The following DNAI4 variants were observed in gnomAD, a reference collection of about 807,000 sequenced individuals.
The protein encoded by DNAI4 is WD repeat domain 78.
A neutral mutation model predicts 105.8 loss-of-function variants in DNAI4; 85 were observed. The ratio of observed to expected loss-of-function variants is 0.80; its 90% confidence interval spans 0.67 to 0.96. The LOEUF (loss-of-function observed/expected upper bound fraction) is 0.96. Among genes scored for constraint, DNAI4 ranks in the 40% least tolerant of loss-of-function variants. The probability of loss-of-function intolerance (pLI) is 0.00; values close to 1 mark genes in which losing one functional copy is unlikely to be tolerated. For missense variants in DNAI4, 1,014 were observed against 1,005.6 expected, an observed-to-expected ratio of 1.01 and a Z score of -0.11; for synonymous variants, 352 against 331.5, an observed-to-expected ratio of 1.06 and a Z score of -0.67.
chr1:66,848,336 G>A, intron 7 of DNAI4: 2 of 448,888 alleles, frequency 4.5e-6, no homozygotes, highest in African/African-American at 2.0e-5. Flanking sequence ...TTACTTTTTA[G>A]TACCCCATGT....
At position 66,822,361 on chromosome 1, in the gene DNAI4, C is replaced by G. The variant is rs145354917; in HGVS notation, c.2496G>C (p.Arg832=). The G allele has an allele frequency of 6.3e-7, 1 of 1,599,132 alleles. No individual in the cohort carries two copies. Among genetic ancestry groups the G allele is most frequent in the Non-Finnish European group, 8.5e-7 (1 of 1,174,174 alleles). The stretch of plus-strand genomic sequence containing the variant: ...AAATTTTTTTACTCTTGAGTCTTAC[C>G]CGGCCAGTTTCCAAAACAGTAGGCA... The part of the protein sequence containing the change: ...RNMPTVLETG[R]GDIMDTLLGS... Residue 832 remains arginine, a splice_region_variant and synonymous_variant, in exon 16 of 17, where the codon CGG becomes CGC. Transcript: ENST00000371026.
chr1:66,856,722 T>G (rs1330728709), intron 7 of DNAI4, among the ~76,000 whole-genome samples: 1 of 151,982 alleles, frequency 6.6e-6, no homozygotes, highest in Non-Finnish European at 1.5e-5. Flanking sequence ...AAACAAAACA[T>G]TTATAAATAA....
intron 6 of DNAI4, among the ~76,000 whole-genome samples, chr1:66,862,917 T>C (rs1432302896): frequency 1.3e-5 from 2 of 152,354 alleles, no homozygotes; most frequent in African/African-American, 2.4e-5. Flanking sequence ...CATAATATAT[T>C]GTCAACAGGT....
intron 15 of DNAI4, 112 bp from the exon 16 acceptor site, chr1:66,822,629 C>T (rs1162202302): frequency 2.0e-6 from 2 of 981,230 alleles, no homozygotes; most frequent in Non-Finnish European, 2.8e-6. Flanking sequence ...AACCATAAGC[C>T]TATTTAAGTG....
In DNAI4 at chr1:66,827,032, T is replaced by A. The variant is rs762293161; in HGVS notation, c.2127A>T (p.Lys709Asn). The change falls in exon 15 of 17, where the codon AAA (lysine) becomes AAT (asparagine). Residue 709 changes from lysine to asparagine, a missense_variant. Coordinates refer to ENST00000371026, the MANE Select transcript of DNAI4 (RefSeq NM_024763.5). ...CATGACAAAATGGATTCCATGTCAC[T>A]TTATACACTGGACCCTAGAAATAAA... ...TYRGHKGPVY[K>N]VTWNPFCHDV... 4 of 1,613,910 alleles carry A rather than the reference T, an allele frequency of 2.5e-6. No homozygotes were observed. In the South Asian group the frequency reaches 3.3e-5, roughly 13 times the overall value.
At chr1:66,911,267 G>A (rs908103929) in intron 1 of DNAI4, among the ~76,000 whole-genome samples, 6 of 152,152 alleles carry the variant, frequency 3.9e-5, no homozygotes, top group African/African-American at 1.2e-4. Context: ...AGATGCATAC[G>A]GCAAGGGAAG....
rs1647539436 is a variant in DNAI4 at position 66,890,735 on chromosome 1, G to T, written c.643+419C>A. The T allele has an allele frequency of 4.4e-6, 1 of 227,510 alleles. No homozygotes were observed. Among genetic ancestry groups the T allele is most frequent in the South Asian group, 5.6e-5 (1 of 17,738 alleles). 14.1% of individuals were successfully genotyped at this position (227,510 alleles called of 1,614,324 possible). Reference sequence around the variant, plus strand: ...GGGGGAGGAGGAGGAGGGAGAGGAAGAGGGGGAGAAGGAAGAGGAGGAGGA... The same window carrying T: ...GGGGGAGGAGGAGGAGGGAGAGGAATAGGGGGAGAAGGAAGAGGAGGAGGA... On this transcript the variant is annotated intron_variant, in intron 4 of 16. Transcript: ENST00000371026. This position sits in a 1 kb window ranked among gnomAD's most constrained non-coding sequence, Gnocchi z 4.1.
intron 1 of DNAI4, among the ~76,000 whole-genome samples, chr1:66,915,685 T>A (rs1034760658): frequency 2.6e-5 from 4 of 151,988 alleles, no homozygotes; most frequent in Non-Finnish European, 5.9e-5. Flanking sequence ...GTGAACAAGT[T>A]TTGTCTAATT....
intron 8 of DNAI4, among the ~76,000 whole-genome samples, chr1:66,842,636 G>T (rs1283915634): frequency 6.6e-6 from 1 of 151,992 alleles, no homozygotes; most frequent in African/African-American, 2.4e-5. Context: ...TCCTCAAGTG[G>T]CCTGCCCACC....
intron 2 of DNAI4, chr1:66,904,894 G>C: frequency 3.0e-6 from 1 of 329,060 alleles, no homozygotes; most frequent in Non-Finnish European, 5.4e-6. Flanking sequence ...GTATTTTCAA[G>C]ACTATATTGC....
At chr1:66,844,570 G>GAATA (rs1051912537) in intron 8 of DNAI4, among the ~76,000 whole-genome samples, 3 of 151,556 alleles carry the variant, frequency 2.0e-5, no homozygotes, top group African/African-American at 7.3e-5. Flanking sequence ...CTCAAAAAAT[G>GAATA]AATAAATAAA....
chr1:66,827,968 TAGA>T (rs2100378636), intron 13 of DNAI4, 58 bp from the exon 14 acceptor site: 3 of 1,080,604 alleles, frequency 2.8e-6, no homozygotes, highest in Non-Finnish European at 4.1e-6. Flanking sequence ...GTGTGATAAA[TAGA>T]AGATTAGATA....
At chr1:66,838,871 T>A (rs1378481399) in intron 9 of DNAI4, among the ~76,000 whole-genome samples, 2 of 152,186 alleles carry the variant, frequency 1.3e-5, no homozygotes, top group African/African-American at 2.4e-5. Context: ...TCATAGCACA[T>A]TTGAAATTAT....
intron 12 of DNAI4, 92 bp from the exon 13 acceptor site, chr1:66,833,798 T>C (rs1446970539): frequency 1.0e-5 from 15 of 1,487,074 alleles, no homozygotes; most frequent in Non-Finnish European, 1.4e-5. Flanking sequence ...AATAATAATA[T>C]TAGTTCTGCC....
intron 16 of DNAI4, among the ~76,000 whole-genome samples, chr1:66,814,970 TA>T (rs1238923432): frequency 2.6e-5 from 4 of 152,162 alleles, no homozygotes; most frequent in Non-Finnish European, 4.4e-5. Flanking sequence ...GGTGAGTTTT[TA>T]AGCAAGACAG....
At chr1:66,853,421 C>A (rs1417231555) in intron 7 of DNAI4, among the ~76,000 whole-genome samples, 1 of 152,146 alleles carries the variant, frequency 6.6e-6, no homozygotes, top group Non-Finnish European at 1.5e-5. Flanking sequence ...AGATGAGGAA[C>A]AAGTGGGCTC....
intron 1 of DNAI4, among the ~76,000 whole-genome samples, chr1:66,922,331 GTT>G (rs1650549981): frequency 1.7e-5 from 1 of 58,990 alleles, no homozygotes; most frequent in African/African-American, 7.9e-5. Flanking sequence ...CTTTGACACA[GTT>G]ACCTAAAGGA....
In DNAI4 at chr1:66,905,227, GT is replaced by G; in HGVS notation, c.318del (p.Lys106AsnfsTer6). 2 of 1,545,190 alleles carry G rather than the reference GT, an allele frequency of 1.3e-6. No homozygotes were observed. Among genetic ancestry groups the G allele is most frequent in the Non-Finnish European group, 8.8e-7 (1 of 1,137,096 alleles). On this transcript the variant is annotated frameshift_variant, in exon 2 of 17. Coordinates refer to ENST00000371026, the MANE Select transcript of DNAI4 (RefSeq NM_024763.5). LOFTEE classifies it high-confidence loss of function. ...TGTGTTGTCTTTATATTGGGATTTG[GT>G]TTTTCTACAGTTTTCAGTTCAGGTG... ...LIPPELKTVE[K>X]PNPNIKTTQV...
chr1:66,840,375 T>A (rs1046194661), intron 9 of DNAI4, 94 bp downstream of exon 9: 2 of 1,179,874 alleles, frequency 1.7e-6, no homozygotes, highest in Non-Finnish European at 1.2e-6. Flanking sequence ...AAATTCCTTG[T>A]GCCATATCTA....
Sources: gnomAD v4.1 joint callset for allele counts (sites outside exome capture counted in the v4.1 genomes callset) on GRCh38, gnomAD v4.1.1 for gene constraint, Gnocchi (gnomAD v3.1) non-coding constraint, MANE v1.5 for transcripts, NCBI Gene and HGNC (gene_info 2026-07-23, HGNC 2026-07-21) for gene names.